MCF2L2: variants seen among roughly 807,000 people sequenced by gnomAD.
MCF2L2 encodes the protein MCF.2 cell line derived transforming sequence-like 2.
Under a neutral mutation model 150.2 loss-of-function variants are expected in MCF2L2, and 102 were observed. The ratio of observed to expected loss-of-function variants is 0.68; its 90% CI spans 0.58 to 0.80. The LOEUF (loss-of-function observed/expected upper bound fraction) is 0.80. Among genes scored for constraint, MCF2L2 ranks in the 30% least tolerant of loss-of-function variants. MCF2L2 has a pLI of 0.00. For missense variants in MCF2L2, 1,256 were observed against 1,372.8 expected, an observed-to-expected ratio of 0.91 and a Z score of 1.34; for synonymous variants, 465 against 491.3, an observed-to-expected ratio of 0.95 and a Z score of 0.71.
Position 183,350,046 on chromosome 3 carries a change from G to A in MCF2L2, c.276-8416C>T, listed in dbSNP as rs139858206. 8.6e-3 allele frequency among the ~76,000 whole-genome samples: 1,307 copies of A among 152,170 alleles called. 5 individuals carry two copies. The highest frequency in any genetic ancestry group is 0.013 in the Non-Finnish European group (887 of 68,010). Reference sequence around the variant, plus strand: ...AGCTGCTGGCATATATGGTCTCCCCGGCCAAACTGAGGGCAAATGTTCCTC... The same window carrying A: ...AGCTGCTGGCATATATGGTCTCCCCAGCCAAACTGAGGGCAAATGTTCCTC... On this transcript the variant is annotated intron_variant, in intron 3 of 29. Coordinates refer to ENST00000328913, the MANE Select transcript of MCF2L2 (RefSeq NM_015078.4).
intron 14 of MCF2L2, among the ~76,000 whole-genome samples, chr3:183,281,617 G>A (rs1438157778): frequency 6.6e-6 from 1 of 152,114 alleles, no homozygotes; most frequent in Non-Finnish European, 1.5e-5. Flanking sequence ...AGGGCTTTCG[G>A]ACTGCCCATC....
At chr3:183,426,285 G>A (rs2108638440) in intron 1 of MCF2L2, among the ~76,000 whole-genome samples, 1 of 152,326 alleles carries the variant, frequency 6.6e-6, no homozygotes, top group East Asian at 1.9e-4. Flanking sequence ...CTGCTCCAGA[G>A]AAATAGGAGG....
At chr3:183,241,277 G>A (rs144431710) in intron 15 of MCF2L2, among the ~76,000 whole-genome samples, 39 of 152,342 alleles carry the variant, frequency 2.6e-4, no homozygotes, top group African/African-American at 9.4e-4. Context: ...TCCCTAAGGG[G>A]AACAGTGTGG....
intron 13 of MCF2L2, among the ~76,000 whole-genome samples, chr3:183,289,748 C>T (rs1015380589): frequency 3.3e-5 from 5 of 152,066 alleles, no homozygotes; most frequent in South Asian, 4.1e-4. Flanking sequence ...CCTAGTTACT[C>T]GGGAGGCTGA....
intron 22 of MCF2L2, among the ~76,000 whole-genome samples, chr3:183,211,538 C>T (rs1453811307): frequency 6.6e-6 from 1 of 152,220 alleles, no homozygotes; most frequent in Non-Finnish European, 1.5e-5. Context: ...AGGGCAGGCA[C>T]ACACACTGTT....
intron 25 of MCF2L2, among the ~76,000 whole-genome samples, chr3:183,198,160 C>A (rs544174137): frequency 3.1e-4 from 47 of 152,228 alleles, no homozygotes; most frequent in African/African-American, 9.6e-4. Context: ...TTCAAAATAG[C>A]CCCAAAGCAG....
intron 1 of MCF2L2, among the ~76,000 whole-genome samples, chr3:183,398,049 G>A (rs571962555): frequency 1.3e-5 from 2 of 152,132 alleles, no homozygotes; most frequent in South Asian, 4.1e-4. Context: ...ATGTATAGAG[G>A]TACTGCCTAA....
intron 18 of MCF2L2, chr3:183,224,548 T>C: frequency 6.0e-6 from 1 of 165,460 alleles, no homozygotes; most frequent in Non-Finnish European, 1.3e-5. Flanking sequence ...CTGCAATGAG[T>C]AGTAAAACTG....
chr3:183,184,170 A>C (rs1039392846), intron 27 of MCF2L2, among the ~76,000 whole-genome samples: 1 of 152,166 alleles, frequency 6.6e-6, no homozygotes, highest in African/African-American at 2.4e-5. Context: ...GGCACATGCC[A>C]CTATGCCTGG....
At position 183,390,279 on chromosome 3, in the gene MCF2L2, CT is replaced by C. The variant is rs550097809; in HGVS notation, c.77-501del. Among the ~76,000 whole-genome samples the C allele has an allele frequency of 3.9e-3, 597 of 152,186 alleles. 3 individuals are homozygous for C. The highest frequency in any genetic ancestry group is 0.014 in the African/African-American group (566 of 41,500). ...CTTCCTCCCCTACTTATCTCCATTC[CT>C]TTTTTTCCCCCTTCCAGAATACTTT... On this transcript the variant is annotated intron_variant, in intron 1 of 29. Transcript: ENST00000328913.
intron 1 of MCF2L2, chr3:183,400,273 C>T (rs756657172): frequency 6.6e-6 from 2 of 302,176 alleles, no homozygotes; most frequent in Non-Finnish European, 1.3e-5. Context: ...AAAATTTCTT[C>T]GCTTTAAATC....
intron 1 of MCF2L2, among the ~76,000 whole-genome samples, chr3:183,397,462 T>C (rs1714528146): frequency 6.6e-6 from 1 of 152,212 alleles, no homozygotes; most frequent in African/African-American, 2.4e-5. Context: ...AAAGGTGGAT[T>C]CCTCATGACC....
Position 183,179,307 on chromosome 3 carries a change from C to T in MCF2L2, c.*73G>A. 3 of 1,379,342 alleles carry T rather than the reference C, an allele frequency of 2.2e-6. No homozygotes were observed. Among genetic ancestry groups the T allele is most frequent in the Non-Finnish European group, 2.8e-6 (3 of 1,072,002 alleles). The allele number at this position is 1,379,342 out of a possible 1,614,324, so 85.4% of individuals were successfully genotyped here. On this transcript the variant is annotated 3_prime_UTR_variant, in exon 30 of 30. Transcript: ENST00000328913. This position sits in a 1 kb window ranked among gnomAD's most constrained non-coding sequence, Gnocchi z 4.2. ...TGCTTTCTGCGTAGCTGGGCAGGGC[C>T]CGGGCCCCCACACCGCCTCTCCCGG...
At chr3:183,420,707 T>C (rs1390850136) in intron 1 of MCF2L2, among the ~76,000 whole-genome samples, 1 of 152,178 alleles carries the variant, frequency 6.6e-6, no homozygotes, top group African/African-American at 2.4e-5. Flanking sequence ...CTTATAATCG[T>C]GACAGAAGGC....
chr3:183,241,702 T>C (rs1482161563), intron 15 of MCF2L2, among the ~76,000 whole-genome samples: 1 of 152,214 alleles, frequency 6.6e-6, no homozygotes, highest in Non-Finnish European at 1.5e-5. Flanking sequence ...AATAGACTAA[T>C]ACAGTAAATT....
intron 5 of MCF2L2, among the ~76,000 whole-genome samples, chr3:183,329,079 G>C (rs1730164316): frequency 6.6e-6 from 1 of 152,210 alleles, no homozygotes; most frequent in African/African-American, 2.4e-5. Context: ...CATTGCTGGT[G>C]GGAATGCAAA....
At chr3:183,292,742 A>G (rs75763611) in intron 13 of MCF2L2, among the ~76,000 whole-genome samples, 3,045 of 152,322 alleles carry the variant, frequency 0.02, 60 homozygotes, top group East Asian at 0.051. Context: ...GAAGTATGAC[A>G]TTGTAGTATG....
intron 3 of MCF2L2, among the ~76,000 whole-genome samples, chr3:183,370,648 T>C (rs918731149): frequency 6.6e-6 from 1 of 151,312 alleles, no homozygotes; most frequent in African/African-American, 2.5e-5. Context: ...AGAAAAGCCA[T>C]CATACACATA....
intron 25 of MCF2L2, 29 bp downstream of exon 25, chr3:183,205,847 A>AAAAGT: frequency 6.4e-7 from 1 of 1,560,990 alleles, no homozygotes; most frequent in East Asian, 2.2e-5. Context: ...GTATAACTCG[A>AAAAGT]CAGACGAAAG....
Sources: gnomAD v4.1 joint callset for allele counts (sites outside exome capture counted in the v4.1 genomes callset) on GRCh38, gnomAD v4.1.1 for gene constraint, Gnocchi (gnomAD v3.1) non-coding constraint, MANE v1.5 for transcripts, NCBI Gene and HGNC (gene_info 2026-07-23, HGNC 2026-07-21) for gene names.